Variants in MAGI1 observed in about 807,000 individuals in gnomAD.
MAGI1 encodes membrane associated guanylate kinase, WW and PDZ domain containing 1.
In MAGI1, 58 loss-of-function variants were observed where a neutral mutation model predicts 139.9. The ratio of observed to expected loss-of-function variants is 0.41; its 90% CI spans 0.34 to 0.52. MAGI1 has a LOEUF of 0.52. Ranked by LOEUF, MAGI1 falls within the 20% of genes least tolerant of loss-of-function variation. MAGI1 has a pLI of 0.12. For missense variants in MAGI1, 1,874 were observed against 1,901.6 expected (o/e 0.99, Z 0.27); for synonymous variants, 812 against 737.9 (o/e 1.10, Z -1.63).
intron 1 of MAGI1, among the ~76,000 whole-genome samples, chr3:65,682,632 T>C (rs2087673115): frequency 1.3e-5 from 2 of 152,074 alleles, no homozygotes; most frequent in Admixed American, 1.3e-4. Context: ...TGTAAAACTA[T>C]ACAACTTTTA....
intron 1 of MAGI1, among the ~76,000 whole-genome samples, chr3:65,658,411 T>C (rs1014568522): frequency 1.3e-5 from 2 of 152,220 alleles, no homozygotes; most frequent in African/African-American, 4.8e-5. Flanking sequence ...GTTTGACTGT[T>C]TAAAATGTTT....
At chr3:65,518,225 C>T (rs1247201812) in intron 2 of MAGI1, among the ~76,000 whole-genome samples, 1 of 152,104 alleles carries the variant, frequency 6.6e-6, no homozygotes, top group Non-Finnish European at 1.5e-5. Flanking sequence ...AAAGTAGATC[C>T]CCTCTAGTTC....
intron 2 of MAGI1, 74 bp downstream of exon 2, chr3:65,621,898 C>A (rs1218658656): frequency 9.3e-7 from 1 of 1,080,900 alleles, no homozygotes; most frequent in Non-Finnish European, 1.4e-6. Flanking sequence ...GTTGAGATCT[C>A]CTTTCTCCCC....
chr3:65,831,049 T>C (rs1329935469), intron 1 of MAGI1, among the ~76,000 whole-genome samples: 2 of 152,160 alleles, frequency 1.3e-5, no homozygotes, highest in Admixed American at 1.3e-4. Context: ...TCCCCTTTAT[T>C]TGTGAAATGA....
intron 7 of MAGI1, 137 bp downstream of exon 7, chr3:65,447,885 G>C: frequency 5.9e-6 from 6 of 1,021,794 alleles, no homozygotes; most frequent in Non-Finnish European, 9.3e-6. Flanking sequence ...GACCTTTCCT[G>C]GATAAGCTAG....
chr3:65,989,531 T>C lies in MAGI1; in HGVS notation c.313+48465A>G, dbSNP rs1054739026. 1.1e-3 allele frequency among the ~76,000 whole-genome samples: 163 copies of C among 152,084 alleles called. 1 individual carries two copies. Among genetic ancestry groups the C allele is most frequent in the African/African-American group, 3.8e-3 (157 of 41,414 alleles). On this transcript the variant is annotated intron_variant, in intron 1 of 22. Coordinates refer to ENST00000402939, the MANE Select transcript of MAGI1 (RefSeq NM_001033057.2). ...TGAATTTGTAATACCAGACATAAATTTATTTTTATTTATTTATCTATTTTG... is the reference window on the plus strand; with the variant it reads ...TGAATTTGTAATACCAGACATAAATCTATTTTTATTTATTTATCTATTTTG...
At chr3:65,617,558 A>G (rs1368079458) in intron 2 of MAGI1, among the ~76,000 whole-genome samples, 1 of 152,160 alleles carries the variant, frequency 6.6e-6, no homozygotes, top group Non-Finnish European at 1.5e-5. Flanking sequence ...TACAATTAAG[A>G]GGAGCTGTGA....
chr3:65,688,176 A>T, intron 1 of MAGI1: 1 of 766,544 alleles, frequency 1.3e-6, no homozygotes, highest in Non-Finnish European at 2.3e-6. Flanking sequence ...CCCCCGTGAG[A>T]GCGGCAACTT....
In MAGI1 at chr3:65,355,361, A is replaced by C. The variant is rs1178019523; in HGVS notation, c.*1017T>G. ...AGCCCTCACTTCTTTAAATATCAAC[A>C]GAGAGGTTCCTTCCACCAAGGCTCA... On this transcript the variant is annotated 3_prime_UTR_variant, in exon 23 of 23. Transcript: ENST00000402939. 6.6e-6 allele frequency: 1 copy of C among 152,196 alleles called. No homozygotes were observed. 9.4% of individuals were successfully genotyped at this position (152,196 alleles called of 1,614,324 possible).
At chr3:65,422,162 C>T (rs1014914875) in intron 12 of MAGI1, among the ~76,000 whole-genome samples, 4 of 152,294 alleles carry the variant, frequency 2.6e-5, no homozygotes, top group Admixed American at 6.5e-5. Context: ...CGTAGCCACT[C>T]GCCACATGTG....
At chr3:65,884,545 A>G (rs2060458747) in intron 1 of MAGI1, among the ~76,000 whole-genome samples, 3 of 152,208 alleles carry the variant, frequency 2.0e-5, no homozygotes, top group African/African-American at 7.2e-5. Flanking sequence ...TAAAATACTG[A>G]GCTATTAAAC....
chr3:66,011,498 C>T (rs1358657162), intron 1 of MAGI1, among the ~76,000 whole-genome samples: 1 of 152,110 alleles, frequency 6.6e-6, no homozygotes, highest in Non-Finnish European at 1.5e-5. Context: ...ATGCCACCCG[C>T]CTCCAGGATC....
intron 1 of MAGI1, among the ~76,000 whole-genome samples, chr3:65,973,203 T>G (rs2065093548): frequency 1.3e-5 from 2 of 152,084 alleles, no homozygotes; most frequent in African/African-American, 4.8e-5. Flanking sequence ...AGGCAATTTG[T>G]TCTCCTCTCA....
chr3:65,782,448 T>C (rs917836617), intron 1 of MAGI1, among the ~76,000 whole-genome samples: 1 of 152,042 alleles, frequency 6.6e-6, no homozygotes, highest in Non-Finnish European at 1.5e-5. Flanking sequence ...CAGTCAGAAC[T>C]GTAAGATAAT....
chr3:65,502,500 G>T (rs1406280797), intron 2 of MAGI1, among the ~76,000 whole-genome samples: 3 of 152,168 alleles, frequency 2.0e-5, no homozygotes, highest in Non-Finnish European at 2.9e-5. Flanking sequence ...CACACACCTG[G>T]AGTCCCAGCT....
intron 1 of MAGI1, among the ~76,000 whole-genome samples, chr3:66,022,031 G>A (rs1044029337): frequency 3.9e-5 from 6 of 152,140 alleles, no homozygotes; most frequent in African/African-American, 7.2e-5. Flanking sequence ...GCCTTTTCCC[G>A]AATGTCTCTT....
chr3:65,930,370 G>T (rs985123234), intron 1 of MAGI1, among the ~76,000 whole-genome samples: 18 of 146,652 alleles, frequency 1.2e-4, no homozygotes, highest in African/African-American at 4.0e-4. Flanking sequence ...GAAAAACCAA[G>T]GTCTTTCCAT....
intron 5 of MAGI1, among the ~76,000 whole-genome samples, chr3:65,467,846 G>A (rs746704121): frequency 1.3e-5 from 2 of 152,100 alleles, no homozygotes; most frequent in African/African-American, 2.4e-5. Flanking sequence ...AATTTCGAAG[G>A]CAATTTAATG....
chr3:65,890,208 C>CA (rs1002614071), intron 1 of MAGI1, among the ~76,000 whole-genome samples: 14 of 151,900 alleles, frequency 9.2e-5, no homozygotes, highest in Admixed American at 7.9e-4. Flanking sequence ...ACTAAAAATA[C>CA]AAAAAAATTA....
Sources: gnomAD v4.1 joint callset for allele counts (sites outside exome capture counted in the v4.1 genomes callset) on GRCh38, gnomAD v4.1.1 for gene constraint, MANE v1.5 for transcripts, NCBI Gene and HGNC (gene_info 2026-07-23, HGNC 2026-07-21) for gene names.